Variants in VAV2 observed in about 807,000 individuals in gnomAD.
VAV2 encodes vav guanine nucleotide exchange factor 2, also known as guanine nucleotide exchange factor VAV2.
Under a neutral mutation model 132.5 loss-of-function variants are expected in VAV2, and 67 were observed. The ratio of observed to expected loss-of-function variants is 0.51; its 90% CI spans 0.42 to 0.62. VAV2 has a LOEUF of 0.62. Ranked by LOEUF, VAV2 falls within the 20% of genes least tolerant of loss-of-function variation. The pLI is 0.00. For missense variants in VAV2, 938 were observed against 1,153.6 expected, an observed-to-expected ratio of 0.81 and a Z score of 2.71; for synonymous variants, 492 against 443.5, an observed-to-expected ratio of 1.11 and a Z score of -1.37.
chr9:133,793,549 G>A (rs1186996181), intron 12 of VAV2, among the ~76,000 whole-genome samples: 1 of 152,108 alleles, frequency 6.6e-6, no homozygotes, highest in African/African-American at 2.4e-5. Context: ...AGCAAGTCTG[G>A]AGCTCAGGAC....
chr9:133,903,038 G>A (rs1402884563), intron 2 of VAV2, among the ~76,000 whole-genome samples: 1 of 146,832 alleles, frequency 6.8e-6, no homozygotes, highest in Non-Finnish European at 1.5e-5. Context: ...TCAGGCCACT[G>A]CACTCCAGCC....
At chr9:133,962,655 C>CG (rs1242886648) in intron 1 of VAV2, among the ~76,000 whole-genome samples, 1 of 152,138 alleles carries the variant, frequency 6.6e-6, no homozygotes, top group Middle Eastern at 3.2e-3. Flanking sequence ...TGCTGGGACT[C>CG]GGGGGGCTGT....
chr9:133,796,601 G>C, intron 10 of VAV2, 77 bp from the exon 11 acceptor site: 1 of 1,345,924 alleles, frequency 7.4e-7, no homozygotes, highest in Non-Finnish European at 1.0e-6. Context: ...CCCGCCCACA[G>C]AGAGGGGAGA....
chr9:133,777,534 C>T (rs1376629013), intron 22 of VAV2, 71 bp from the exon 23 acceptor site: 13 of 1,453,324 alleles, frequency 8.9e-6, no homozygotes, highest in Middle Eastern at 1.7e-4. Flanking sequence ...GCCATTTAGA[C>T]GGACTCAGCG....
chr9:133,789,372 G>A (rs572135636), intron 13 of VAV2, 29 bp from the exon 14 acceptor site: 44 of 1,611,546 alleles, frequency 2.7e-5, no homozygotes, highest in African/African-American at 4.0e-5. Flanking sequence ...GCCGTCAGCC[G>A]GGGCTGGAGC....
chr9:133,942,533 T>C (rs2789850), intron 1 of VAV2, among the ~76,000 whole-genome samples: 102,682 of 152,298 alleles, frequency 0.67, 34,839 homozygotes, highest in East Asian at 0.81. Context: ...CGCGGCTGCA[T>C]GTGCTGCAGC....
In VAV2 at chr9:133,764,058, G is replaced by A; in HGVS notation, c.*4C>T. ...ATCTGCGAGTCTTGTCCACGTTCCTGCCGTCACTGGATGCCCTCCTCTTCT... is the reference window on the plus strand; with the variant it reads ...ATCTGCGAGTCTTGTCCACGTTCCTACCGTCACTGGATGCCCTCCTCTTCT... On this transcript the variant is annotated 3_prime_UTR_variant, in exon 30 of 30. Coordinates refer to ENST00000371850, the MANE Select transcript of VAV2 (RefSeq NM_001134398.2). 3 of 1,614,052 alleles carry A rather than the reference G, an allele frequency of 1.9e-6. No homozygotes were observed. Among genetic ancestry groups the A allele is most frequent in the Non-Finnish European group, 2.5e-6 (3 of 1,179,986 alleles).
chr9:133,786,167 G>A (rs540995956), intron 16 of VAV2, among the ~76,000 whole-genome samples: 1 of 152,372 alleles, frequency 6.6e-6, no homozygotes, highest in East Asian at 1.9e-4. Context: ...ATGCATACTA[G>A]TGTGCTCCTG....
rs532566113 is a variant in VAV2, at chr9:133,815,238, C to T, written c.450-3022G>A. On this transcript the variant is annotated intron_variant, in intron 4 of 29. Coordinates refer to ENST00000371850, the MANE Select transcript of VAV2 (RefSeq NM_001134398.2). ...ATCTTGAAGACAGAACTGTCACGCC[C>T]GGATCTAGGTACAAGTCCACGTCTG... Among the ~76,000 whole-genome samples the T allele has an allele frequency of 9.2e-5, 14 of 152,150 alleles. No homozygotes were observed. In the South Asian group the frequency reaches 1.0e-3, roughly 11 times the overall value.
intron 4 of VAV2, among the ~76,000 whole-genome samples, chr9:133,820,703 T>C (rs1165651223): frequency 1.3e-5 from 2 of 152,178 alleles, no homozygotes; most frequent in Non-Finnish European, 2.9e-5. Context: ...ACTTACGTCA[T>C]GACCAGCAGG....
chr9:133,796,084 G>A (rs1834701562), intron 11 of VAV2, among the ~76,000 whole-genome samples: 2 of 152,216 alleles, frequency 1.3e-5, no homozygotes, highest in Non-Finnish European at 2.9e-5. Flanking sequence ...TCCCTCCCAG[G>A]TCTGGCTTTC....
At chr9:133,916,200 T>G (rs556172961) in intron 2 of VAV2, among the ~76,000 whole-genome samples, 30 of 152,338 alleles carry the variant, frequency 2.0e-4, no homozygotes, top group African/African-American at 7.0e-4. Flanking sequence ...TCTCTGCTCC[T>G]AGCCAGCGGG....
chr9:133,771,964 G>A lies in VAV2; in HGVS notation c.2218C>T (p.Leu740Phe), dbSNP rs867032627. ...CGGAGCCAGAAGTCACCTACCAGGA[G>A]GCTGTCGAATTTCTTGGCCTCTGTG... is the stretch of plus-strand genomic sequence containing the variant. ...HITEAKKFDS[L>F]LELVEYYQCH... Residue 740 changes from leucine to phenylalanine, a missense_variant, in exon 26 of 30, where the codon CTC (leucine) becomes TTC (phenylalanine). Physicochemically the swap from Leu to Phe is conservative, Grantham distance 22 (BLOSUM62 0). Transcript: ENST00000371850. 1.2e-6 allele frequency: 2 copies of A among 1,614,040 alleles called. No homozygotes were observed. The highest frequency in any genetic ancestry group is 1.7e-6 in the Non-Finnish European group (2 of 1,179,916).
At chr9:133,973,268 C>T (rs1039597716) in intron 1 of VAV2, among the ~76,000 whole-genome samples, 15 of 152,216 alleles carry the variant, frequency 9.9e-5, no homozygotes, top group African/African-American at 3.6e-4. Context: ...CGTCAACCCC[C>T]TGCATCCTCA....
At chr9:133,899,904 C>T (rs1438895534) in intron 2 of VAV2, among the ~76,000 whole-genome samples, 1 of 151,498 alleles carries the variant, frequency 6.6e-6, no homozygotes, top group Non-Finnish European at 1.5e-5. Context: ...ACCCGTAGTC[C>T]CAGCTACTTG....
chr9:133,958,098 C>T (rs1398385584), intron 1 of VAV2, among the ~76,000 whole-genome samples: 2 of 143,124 alleles, frequency 1.4e-5, no homozygotes, highest in Non-Finnish European at 3.1e-5. Context: ...CCTAGGAAAG[C>T]CAGGTATTGT....
intron 3 of VAV2, among the ~76,000 whole-genome samples, chr9:133,836,671 C>T (rs1836484897): frequency 6.6e-6 from 1 of 152,182 alleles, no homozygotes; most frequent in African/African-American, 2.4e-5. Context: ...AATCTGATCA[C>T]AGAGTGTGGG....
chr9:133,771,826 CA>C, intron 26 of VAV2, 132 bp downstream of exon 26: 1 of 865,782 alleles, frequency 1.2e-6, no homozygotes, highest in African/African-American at 1.7e-5. Context: ...CCTTAAAAAC[CA>C]ATTCCCTAAA....
chr9:133,834,489 G>A lies in VAV2; in HGVS notation c.381-149C>T. On this transcript the variant is annotated intron_variant, in intron 3 of 29. Coordinates refer to ENST00000371850, the MANE Select transcript of VAV2 (RefSeq NM_001134398.2). The surrounding 1 kb of genome is among the most constrained non-coding windows in gnomAD (Gnocchi z 5.9). ...TCTCTGGAAGGACACAGGGTGCGCG[G>A]ACACTGATCGGAGTCACAGGACGAG... 7 of 793,068 alleles carry A rather than the reference G, an allele frequency of 8.8e-6. No homozygotes were observed. In the South Asian group the frequency reaches 1.2e-4, roughly 14 times the overall value. 49.1% of individuals were successfully genotyped at this position (793,068 alleles called of 1,614,324 possible). A position where few individuals can be genotyped will look rare whatever the true frequency, so the allele number is the denominator to read the frequency against.
Sources: gnomAD v4.1 joint callset for allele counts (sites outside exome capture counted in the v4.1 genomes callset) on GRCh38, gnomAD v4.1.1 for gene constraint, Gnocchi (gnomAD v3.1) non-coding constraint, MANE v1.5 for transcripts, NCBI Gene and HGNC (gene_info 2026-07-23, HGNC 2026-07-21) for gene names.